Variants in WASF3 observed in about 807,000 individuals in gnomAD.
WASF3 encodes actin-binding protein WASF3.
A neutral mutation model predicts 46.6 loss-of-function variants in WASF3; 11 were observed. That is an observed-to-expected ratio of 0.24 (90% CI 0.15 to 0.39). The LOEUF (loss-of-function observed/expected upper bound fraction) is 0.39. Ranked by LOEUF, WASF3 falls within the 10% of genes least tolerant of loss-of-function variation. WASF3 has a pLI of 1.00. For synonymous variants in WASF3, 242 were observed against 259.7 expected (o/e 0.93, Z 0.65); for missense variants, 576 against 669.8 (o/e 0.86, Z 1.55).
At chr13:26,575,232 T>A (rs1037451410) in intron 1 of WASF3, among the ~76,000 whole-genome samples, 1 of 152,220 alleles carries the variant, frequency 6.6e-6, no homozygotes, top group African/African-American at 2.4e-5. Flanking sequence ...CAATCACCTA[T>A]GATTGTATGG....
intron 1 of WASF3, among the ~76,000 whole-genome samples, chr13:26,563,784 C>T (rs1267623661): frequency 6.7e-6 from 1 of 148,740 alleles, no homozygotes; most frequent in African/African-American, 2.5e-5. Flanking sequence ...GAGATTAGCT[C>T]TTCTGACTTT....
At chr13:26,640,777 T>C (rs1018123) in intron 2 of WASF3, 77,155 of 151,972 alleles carry the variant, frequency 0.51, 20,050 homozygotes, top group Non-Finnish European at 0.57. Context: ...TCTGAAGTGT[T>C]TGGTGATCCT....
intron 9 of WASF3, among the ~76,000 whole-genome samples, chr13:26,684,398 T>G (rs1198745363): frequency 6.6e-6 from 1 of 152,116 alleles, no homozygotes; most frequent in Non-Finnish European, 1.5e-5. Flanking sequence ...GCTTCCTATA[T>G]TCTTCAAAAA....
intron 2 of WASF3, among the ~76,000 whole-genome samples, chr13:26,616,537 T>G (rs1881138996): frequency 6.6e-6 from 1 of 152,196 alleles, no homozygotes; most frequent in African/African-American, 2.4e-5. Context: ...TTTTATTCAT[T>G]TTAATAGCAT....
intron 4 of WASF3, among the ~76,000 whole-genome samples, chr13:26,666,213 C>G (rs1039357959): frequency 2.0e-5 from 3 of 152,144 alleles, no homozygotes; most frequent in African/African-American, 7.2e-5. Context: ...TTGGTCTGTT[C>G]AGGTAAGGAA....
chr13:26,599,132 G>T (rs1880566937), intron 1 of WASF3, among the ~76,000 whole-genome samples: 1 of 150,430 alleles, frequency 6.6e-6, no homozygotes, highest in Non-Finnish European at 1.5e-5. Context: ...AAAGTGCTGG[G>T]ATTACAGGCG....
intron 3 of WASF3, among the ~76,000 whole-genome samples, chr13:26,659,233 A>G (rs935457913): frequency 6.6e-6 from 1 of 152,128 alleles, no homozygotes; most frequent in Non-Finnish European, 1.5e-5. Context: ...GGAGCAAACC[A>G]TGTGAGTTTC....
chr13:26,575,990 G>A (rs1016040319), intron 1 of WASF3, among the ~76,000 whole-genome samples: 1 of 151,188 alleles, frequency 6.6e-6, no homozygotes, highest in Non-Finnish European at 1.5e-5. Context: ...TTTTCAGGAA[G>A]TTTTTTTAGA....
intron 3 of WASF3, among the ~76,000 whole-genome samples, chr13:26,660,984 C>T (rs1164191205): frequency 1.3e-5 from 2 of 152,036 alleles, no homozygotes; most frequent in Non-Finnish European, 2.9e-5. Context: ...TGGGAGGTGC[C>T]GCCAGGCTCT....
intron 1 of WASF3, among the ~76,000 whole-genome samples, chr13:26,561,157 C>T (rs1282006499): frequency 6.6e-6 from 1 of 152,106 alleles, no homozygotes. Flanking sequence ...CTTGTGATTA[C>T]TGTTGTGTGG....
chr13:26,615,581 A>G (rs1881107912), intron 2 of WASF3, among the ~76,000 whole-genome samples: 1 of 152,240 alleles, frequency 6.6e-6, no homozygotes, highest in Admixed American at 6.5e-5. Flanking sequence ...TGCTGGGATT[A>G]CAAGTGTGAG....
intron 4 of WASF3, among the ~76,000 whole-genome samples, chr13:26,665,684 T>A (rs1006628060): frequency 1.3e-5 from 2 of 152,234 alleles, no homozygotes; most frequent in Non-Finnish European, 2.9e-5. Context: ...AAAATAATGT[T>A]AATGTCGACA....
intron 1 of WASF3, among the ~76,000 whole-genome samples, chr13:26,582,197 C>T (rs528169646): frequency 2.0e-4 from 31 of 152,292 alleles, no homozygotes; most frequent in African/African-American, 7.0e-4. Context: ...ACTATACCTA[C>T]ACCCTTGTGT....
chr13:26,590,378 A>G (rs376039369), intron 1 of WASF3, among the ~76,000 whole-genome samples: 1 of 152,176 alleles, frequency 6.6e-6, no homozygotes, highest in Non-Finnish European at 1.5e-5. Context: ...TTGAATTTTG[A>G]CCTTTTTTTA....
chr13:26,683,590 G>A (rs1320828264), intron 9 of WASF3, among the ~76,000 whole-genome samples: 2 of 151,936 alleles, frequency 1.3e-5, no homozygotes, highest in Non-Finnish European at 2.9e-5. Flanking sequence ...TGCTCTAAGG[G>A]GAAAAGTATA....
chr13:26,564,635 A>G (rs945181038), intron 1 of WASF3, among the ~76,000 whole-genome samples: 16 of 152,312 alleles, frequency 1.1e-4, no homozygotes, highest in Non-Finnish European at 2.4e-4. Context: ...GTACCAAAGT[A>G]TAGGTGTGAT....
intron 3 of WASF3, among the ~76,000 whole-genome samples, chr13:26,655,447 G>T (rs1430839356): frequency 6.6e-6 from 1 of 152,048 alleles, no homozygotes; most frequent in Non-Finnish European, 1.5e-5. Context: ...TTTCATCAGT[G>T]GATTGATTAC....
chr13:26,618,258 T>C (rs958871268), intron 2 of WASF3, among the ~76,000 whole-genome samples: 1 of 152,220 alleles, frequency 6.6e-6, no homozygotes, highest in Non-Finnish European at 1.5e-5. Flanking sequence ...TTGTTATTTA[T>C]ATATCCAGTA....
chr13:26,633,796 G>A (rs533702097), intron 2 of WASF3, among the ~76,000 whole-genome samples: 3 of 152,286 alleles, frequency 2.0e-5, no homozygotes, highest in Admixed American at 1.3e-4. Flanking sequence ...ACAGTTGTGC[G>A]GTTTTGAATG....
Sources: allele counts gnomAD v4.1 joint callset (sites outside exome capture counted in the v4.1 genomes callset), GRCh38; gene constraint gnomAD v4.1.1; transcripts MANE v1.5; gene names NCBI Gene and HGNC (gene_info 2026-07-23, HGNC 2026-07-21).